Variants in MIER3 observed in about 807,000 individuals in gnomAD.
MIER3 encodes MIER family member 3, also known as mesoderm induction early response protein 3.
Under a neutral mutation model 63.2 loss-of-function variants are expected in MIER3, and 9 were observed. The ratio of observed to expected loss-of-function variants is 0.14; its 90% CI spans 0.09 to 0.25. MIER3 has a LOEUF of 0.25. Among genes scored for constraint, MIER3 ranks in the 10% least tolerant of loss-of-function variants. The pLI is 1.00. For missense variants in MIER3, 512 were observed against 666.2 expected, an observed-to-expected ratio of 0.77 and a Z score of 2.55; for synonymous variants, 205 against 224.9, an observed-to-expected ratio of 0.91 and a Z score of 0.79.
rs1374178809 is a variant in MIER3 at position 56,919,812 on chromosome 5, T to C, written c.*3316A>G. On this transcript the variant is annotated 3_prime_UTR_variant, in exon 13 of 13. Transcript: ENST00000381199. ...GGGTACTTATTTCAAACTGGGACAA[T>C]TGGAATCACTGGTCATCTAAGAGGA... 1 of 152,624 alleles carries C rather than the reference T, an allele frequency of 6.6e-6. No homozygotes were observed. Among genetic ancestry groups the C allele is most frequent in the Non-Finnish European group, 1.5e-5 (1 of 68,018 alleles). The allele number at this position is 152,624 out of a possible 1,614,324, so 9.5% of individuals were successfully genotyped here. A position where few individuals can be genotyped will look rare whatever the true frequency, so the allele number is the denominator to read the frequency against.
chr5:56,940,109 C>A (rs1289045834), intron 3 of MIER3, among the ~76,000 whole-genome samples: 1 of 152,158 alleles, frequency 6.6e-6, no homozygotes, highest in Non-Finnish European at 1.5e-5. Context: ...GCAGGCAGAT[C>A]ACTTGAGGTC....
intron 10 of MIER3, among the ~76,000 whole-genome samples, chr5:56,926,788 T>C (rs1375606692): frequency 6.6e-6 from 1 of 152,170 alleles, no homozygotes; most frequent in Non-Finnish European, 1.5e-5. Flanking sequence ...ATAGCTTTAA[T>C]GATAATTGCC....
intron 10 of MIER3, among the ~76,000 whole-genome samples, chr5:56,925,069 G>A (rs906178801): frequency 2.0e-5 from 3 of 152,206 alleles, no homozygotes; most frequent in South Asian, 2.1e-4. Context: ...AACTGTTTAC[G>A]GAATGAATGG....
chr5:56,934,021 G>T (rs1750361121), intron 7 of MIER3, among the ~76,000 whole-genome samples: 1 of 151,988 alleles, frequency 6.6e-6, no homozygotes, highest in Non-Finnish European at 1.5e-5. Flanking sequence ...TGAACAAAAT[G>T]TCATTAAAAC....
At chr5:56,947,794 C>T (rs750817435) in intron 2 of MIER3, among the ~76,000 whole-genome samples, 2 of 152,026 alleles carry the variant, frequency 1.3e-5, no homozygotes, top group Non-Finnish European at 2.9e-5. Flanking sequence ...AAGATATATC[C>T]ATTGCAAGTT....
chr5:56,927,113 T>C (rs1165551618), intron 10 of MIER3, among the ~76,000 whole-genome samples: 1 of 149,274 alleles, frequency 6.7e-6, no homozygotes, highest in Non-Finnish European at 1.5e-5. Context: ...GAGGGAAGAA[T>C]AAAACATGAG....
At chr5:56,925,500 C>A in intron 10 of MIER3, 1 of 273,166 alleles carries the variant, frequency 3.7e-6, no homozygotes, top group South Asian at 3.5e-5. Context: ...AACACAAGAC[C>A]ATTTACATTA....
At position 56,923,320 on chromosome 5, in the gene MIER3, G is replaced by A. The variant is rs141090261; in HGVS notation, c.1461C>T (p.Ala487=). The A allele has an allele frequency of 7.4e-6, 12 of 1,614,144 alleles. No individual in the cohort carries two copies. Among genetic ancestry groups the A allele is most frequent in the South Asian group, 3.3e-5 (3 of 91,074 alleles). The change falls in exon 13 of 13, where the codon GCC becomes GCT. Residue 487 remains alanine, a synonymous_variant. Coordinates refer to ENST00000381199, the MANE Select transcript of MIER3 (RefSeq NM_001297599.2). ...CTTCATTCATAAAGGATTCAGGGACGGCAATGCCCATTTTCAATCTTTTTG... is the reference window on the plus strand; with the variant it reads ...CTTCATTCATAAAGGATTCAGGGACAGCAATGCCCATTTTCAATCTTTTTG... ...RPAKRLKMGI[A]VPESFMNEVS... is the part of the protein sequence containing the mutation.
chr5:56,923,577 T>C lies in MIER3; in HGVS notation c.1204A>G (p.Asn402Asp). 1 of 1,612,518 alleles carries C rather than the reference T, an allele frequency of 6.2e-7. No homozygotes were observed. Among genetic ancestry groups the C allele is most frequent in the East Asian group, 2.2e-5 (1 of 44,862 alleles). The change falls in exon 13 of 13, where the codon AAC becomes GAC. Residue 402 changes from asparagine (N) to aspartate (D), a missense_variant. Around this residue, in one of 5 missense-constraint regions of MIER3, gnomAD observed 218 missense variants for 251.2 expected, o/e 0.87. Coordinates refer to ENST00000381199, the MANE Select transcript of MIER3 (RefSeq NM_001297599.2). Reference protein sequence around the residue: ...FTASDLTALTNSVATVCDPTD... With the variant: ...FTASDLTALTDSVATVCDPTD... ...GGGTCGCAGACGGTTGCTACACTGT[T>C]GGTCAAAGCTAAAAAGGAATGGAAA...
intron 3 of MIER3, chr5:56,941,247 G>A (rs1750635314): frequency 3.3e-6 from 2 of 599,826 alleles, no homozygotes; most frequent in African/African-American, 4.1e-5. Flanking sequence ...ATAGACAAGG[G>A]CAGACCTACA....
chr5:56,933,347 C>T lies in MIER3; in HGVS notation c.647G>A (p.Ser216Asn), dbSNP rs764156556. The T allele has an allele frequency of 1.2e-6, 2 of 1,613,110 alleles. No individual in the cohort carries two copies. The highest frequency in any genetic ancestry group is 3.3e-4 in the Middle Eastern group (2 of 6,056). ...LLWCPDVVLE[S>N]KVKEYLVETS... ...CTCAACAAGGTATTCCTTAACTTTG[C>T]TCTCCAAAACCACATCAGGACACCA... The change falls in exon 8 of 13, where the codon AGC becomes AAC. Residue 216 changes from serine to asparagine, a missense_variant. By Grantham distance (46) the Ser-to-Asn change is conservative (BLOSUM62 1). Transcript: ENST00000381199.
At position 56,937,662 on chromosome 5, in the gene MIER3, C is replaced by A; in HGVS notation, c.352G>T (p.Glu118Ter). Residue 118 changes from glutamate to a stop codon, truncating the protein, a stop_gained, in exon 5 of 13, where the codon GAG (glutamate) becomes TAG (stop). Coordinates refer to ENST00000381199, the MANE Select transcript of MIER3 (RefSeq NM_001297599.2). LOFTEE classifies it high-confidence loss of function. The part of the protein sequence containing the change: ...IAKDLLSGDD[E>*]ETQSSADDLT... ...TCATCCGCAGAAGACTGAGTTTCCT[C>A]GTCATCACCTGACAACAGGTCTTTT... 1 of 1,612,086 alleles carries A rather than the reference C, an allele frequency of 6.2e-7. No homozygotes were observed. Among genetic ancestry groups the A allele is most frequent in the Non-Finnish European group, 8.5e-7 (1 of 1,178,944 alleles).
At chr5:56,951,966 G>T in intron 1 of MIER3, 128 bp downstream of exon 1, 1 of 760,568 alleles carries the variant, frequency 1.3e-6, no homozygotes, top group Non-Finnish European at 1.7e-6. Context: ...CGCGACCCCC[G>T]CGTCGCCACG....
chr5:56,935,450 T>C lies in MIER3; in HGVS notation c.573A>G (p.Gly191=). ...QYQAEIPPYL[G]EYDGNEKVYE... is the part of the protein sequence containing the mutation. ...TACCTTTCTCATTACCATCGTACTC[T>C]CCAAGATAAGGGGGAATCTCTGCCT... Residue 191 remains glycine (G), a synonymous_variant, in exon 7 of 13, where the codon GGA becomes GGG. Transcript: ENST00000381199. 1.3e-6 allele frequency: 2 copies of C among 1,594,188 alleles called. No individual in the cohort carries two copies. Among genetic ancestry groups the C allele is most frequent in the South Asian group, 2.3e-5 (2 of 85,556 alleles).
chr5:56,947,498 C>T (rs934036663), intron 2 of MIER3, among the ~76,000 whole-genome samples: 41 of 152,264 alleles, frequency 2.7e-4, no homozygotes, highest in African/African-American at 9.6e-4. Context: ...AAGATGCACA[C>T]TTCAGGATAA....
At chr5:56,950,720 G>A in intron 1 of MIER3, 68 bp from the exon 2 acceptor site, 3 of 1,574,280 alleles carry the variant, frequency 1.9e-6, no homozygotes, top group East Asian at 2.3e-5. Context: ...GCCGGCAACA[G>A]GGCGCAGAGG....
At chr5:56,949,660 A>T (rs1345962367) in intron 2 of MIER3, among the ~76,000 whole-genome samples, 3 of 152,232 alleles carry the variant, frequency 2.0e-5, no homozygotes, top group Admixed American at 2.0e-4. Flanking sequence ...GCAGATACAA[A>T]AAGTAATAGT....
chr5:56,940,231 A>T (rs1308937037), intron 3 of MIER3, among the ~76,000 whole-genome samples: 1 of 152,266 alleles, frequency 6.6e-6, no homozygotes, highest in Non-Finnish European at 1.5e-5. Context: ...ATACTCACGA[A>T]CTAGTTAATC....
intron 3 of MIER3, among the ~76,000 whole-genome samples, chr5:56,944,995 C>G (rs1374916901): frequency 6.6e-6 from 1 of 152,136 alleles, no homozygotes; most frequent in Non-Finnish European, 1.5e-5. Flanking sequence ...CTGCCCCCAG[C>G]CTAAATGCCT....
Sources: allele counts gnomAD v4.1 joint callset (sites outside exome capture counted in the v4.1 genomes callset), GRCh38; gene constraint gnomAD v4.1.1; regional missense constraint gnomAD v4.1.1; transcripts MANE v1.5; gene names NCBI Gene and HGNC (gene_info 2026-07-23, HGNC 2026-07-21).